Variants in FKTN observed in about 807,000 individuals in gnomAD.
FKTN encodes ribitol-5-phosphate transferase FKTN.
In FKTN, 47 loss-of-function variants were observed where a neutral mutation model predicts 58.6. That is an observed-to-expected ratio of 0.80 (90% CI 0.63 to 1.02). The LOEUF (loss-of-function observed/expected upper bound fraction) is 1.02, where lower values mean the gene tolerates loss of function less well. FKTN is among the 50% of genes least tolerant of loss of function. FKTN has a pLI of 0.00. For missense variants in FKTN, 516 were observed against 537.3 expected (o/e 0.96, Z 0.39); for synonymous variants, 178 against 191.9 (o/e 0.93, Z 0.60).
rs377163590 is a variant in FKTN, at chr9:105,616,879, C to CAA, written c.911-1066_911-1065dup. Among the ~76,000 whole-genome samples, 360 of 119,878 alleles carry CAA rather than the reference C, an allele frequency of 3.0e-3. 2 individuals carry two copies. Among genetic ancestry groups the CAA allele is most frequent in the East Asian group, 0.02 (77 of 3,928 alleles). The allele number at this position is 119,878 out of a possible 152,430, so 78.6% of individuals were successfully genotyped here. A position where few individuals can be genotyped will look rare whatever the true frequency, so the allele number is the denominator to read the frequency against. ...CAAGGAGCTTACTACTAGAATAAGC[C>CAA]AAAAAAAAAAAAAAAGTACATCTCA... On this transcript the variant is annotated intron_variant, in intron 8 of 10. Coordinates refer to ENST00000357998, the MANE Select transcript of FKTN (RefSeq NM_001079802.2).
At chr9:105,585,297 C>T (rs1047216907) in intron 3 of FKTN, among the ~76,000 whole-genome samples, 2 of 151,900 alleles carry the variant, frequency 1.3e-5, no homozygotes, top group East Asian at 1.9e-4. Flanking sequence ...TGGTGGTGCA[C>T]GCCTGTAGTC....
At chr9:105,566,849 G>C (rs984275783) in intron 1 of FKTN, among the ~76,000 whole-genome samples, 3 of 152,158 alleles carry the variant, frequency 2.0e-5, no homozygotes, top group Non-Finnish European at 4.4e-5. Context: ...CAAAAAAAGA[G>C]AATTTTAGAT....
Position 105,589,696 on chromosome 9 carries a change from G to T in FKTN, c.106-6902G>T, listed in dbSNP as rs76206496. Among the ~76,000 whole-genome samples the T allele has an allele frequency of 5.4e-3, 820 of 152,228 alleles. 5 individuals carry two copies. The highest frequency in any genetic ancestry group is 0.019 in the African/African-American group (784 of 41,516). On this transcript the variant is annotated intron_variant, in intron 3 of 10. Coordinates refer to ENST00000357998, the MANE Select transcript of FKTN (RefSeq NM_001079802.2). Reference sequence around the variant, plus strand: ...TTTCATGGATGAAATAATAATTTGAGTTGGTGTTGTAGGATGAGGAGTTCT... The same window carrying T: ...TTTCATGGATGAAATAATAATTTGATTTGGTGTTGTAGGATGAGGAGTTCT...
At chr9:105,575,500 G>T (rs1031522147) in intron 3 of FKTN, among the ~76,000 whole-genome samples, 7 of 152,142 alleles carry the variant, frequency 4.6e-5, no homozygotes, top group Non-Finnish European at 7.3e-5. Context: ...TACTGGGGAA[G>T]TATAATGGTA....
intron 1 of FKTN, among the ~76,000 whole-genome samples, chr9:105,569,933 A>C (rs1337728307): frequency 6.6e-5 from 10 of 152,134 alleles, no homozygotes; most frequent in Non-Finnish European, 1.3e-4. Context: ...CCTAAGTGTA[A>C]GTAAGGAAAT....
At chr9:105,633,176 T>A (rs1833693136) in intron 10 of FKTN, among the ~76,000 whole-genome samples, 1 of 152,228 alleles carries the variant, frequency 6.6e-6, no homozygotes, top group Non-Finnish European at 1.5e-5. Flanking sequence ...TTCTGTTAAG[T>A]ACAAAAATTA....
At chr9:105,566,158 A>G (rs1423624912) in intron 1 of FKTN, among the ~76,000 whole-genome samples, 9 of 152,256 alleles carry the variant, frequency 5.9e-5, no homozygotes, top group Non-Finnish European at 1.0e-4. Context: ...CAATGTGTAG[A>G]GGGAAATTTA....
intron 10 of FKTN, among the ~76,000 whole-genome samples, chr9:105,628,963 A>G (rs1833073047): frequency 1.3e-5 from 2 of 152,232 alleles, no homozygotes; most frequent in Admixed American, 1.3e-4. Context: ...AGGGGTTGGT[A>G]GAAATGTTCT....
At position 105,636,328 on chromosome 9, in the gene FKTN, G is replaced by T. The variant is rs1221421561; in HGVS notation, c.*1064G>T. On this transcript the variant is annotated 3_prime_UTR_variant, in exon 11 of 11. Transcript: ENST00000357998. ...ACCAATTTAAATGGCATGTAAACCT[G>T]CCTGTTTCTTCTCCTCTTCTAATAT... The T allele has an allele frequency of 1.0e-6, 1 of 979,486 alleles. No homozygotes were observed. The highest frequency in any genetic ancestry group is 1.8e-5 in the African/African-American group (1 of 57,076). 60.7% of individuals were successfully genotyped at this position (979,486 alleles called of 1,614,324 possible).
chr9:105,563,752 C>T (rs1838802993), intron 1 of FKTN, among the ~76,000 whole-genome samples: 1 of 152,236 alleles, frequency 6.6e-6, no homozygotes, highest in South Asian at 2.1e-4. Flanking sequence ...CAAAAGGCAG[C>T]AGAAACCTCT....
intron 7 of FKTN, among the ~76,000 whole-genome samples, chr9:105,613,685 T>C (rs1830329360): frequency 6.6e-6 from 1 of 152,186 alleles, no homozygotes; most frequent in Non-Finnish European, 1.5e-5. Context: ...GTGGAGGGAA[T>C]ATAAAATTGA....
At chr9:105,609,744 G>C (rs1037851179) in intron 7 of FKTN, among the ~76,000 whole-genome samples, 1 of 151,946 alleles carries the variant, frequency 6.6e-6, no homozygotes, top group Admixed American at 6.6e-5. Flanking sequence ...GTATAGAAGT[G>C]GTGCTGTGTT....
intron 4 of FKTN, chr9:105,598,663 T>C (rs1477525436): frequency 6.6e-6 from 1 of 152,248 alleles, no homozygotes; most frequent in Non-Finnish European, 1.5e-5. Context: ...GGAGCGTTAA[T>C]GATTGTATTG....
chr9:105,632,409 A>AAAAGT (rs1174296139), intron 10 of FKTN, among the ~76,000 whole-genome samples: 2 of 127,946 alleles, frequency 1.6e-5, no homozygotes, highest in African/African-American at 6.0e-5. Context: ...CCTAAAACTT[A>AAAAGT]AAAGTATAAT....
Position 105,635,321 on chromosome 9 carries a change from TA to T in FKTN, c.*63del, listed in dbSNP as rs908366429. On this transcript the variant is annotated 3_prime_UTR_variant, in exon 11 of 11. Coordinates refer to ENST00000357998, the MANE Select transcript of FKTN (RefSeq NM_001079802.2). Reference sequence around the variant, plus strand: ...TTGGAAAAAAAGGTAGATAACTGTTTAAAAAATACATGTCTATTTGTCAAAC... The same window carrying T: ...TTGGAAAAAAAGGTAGATAACTGTTTAAAAATACATGTCTATTTGTCAAAC... 7 of 1,611,696 alleles carry T rather than the reference TA, an allele frequency of 4.3e-6. No homozygotes were observed. In the African/African-American group the frequency reaches 9.3e-5, roughly 22 times the overall value.
intron 7 of FKTN, among the ~76,000 whole-genome samples, chr9:105,612,281 C>T (rs1306727495): frequency 6.6e-6 from 1 of 151,838 alleles, no homozygotes; most frequent in African/African-American, 2.4e-5. Context: ...GATATTAGAC[C>T]TAATAGTTAA....
chr9:105,622,646 A>G (rs1832161670), intron 10 of FKTN, among the ~76,000 whole-genome samples: 1 of 152,058 alleles, frequency 6.6e-6, no homozygotes, highest in South Asian at 2.1e-4. Context: ...GTTAATGGCA[A>G]GATCAAGATT....
intron 7 of FKTN, among the ~76,000 whole-genome samples, chr9:105,613,893 A>G (rs1382442198): frequency 1.3e-5 from 2 of 152,212 alleles, no homozygotes; most frequent in Non-Finnish European, 2.9e-5. Flanking sequence ...TCTTCCTGGG[A>G]AAACTGGGGA....
intron 7 of FKTN, 91 bp from the exon 8 acceptor site, chr9:105,615,187 G>C: frequency 7.2e-7 from 1 of 1,397,264 alleles, no homozygotes; most frequent in Non-Finnish European, 1.0e-6. Context: ...CCCAGCCTGG[G>C]GTTAATTTTC....
Sources: gnomAD v4.1 joint callset for allele counts (sites outside exome capture counted in the v4.1 genomes callset) on GRCh38, gnomAD v4.1.1 for gene constraint, MANE v1.5 for transcripts, NCBI Gene and HGNC (gene_info 2026-07-23, HGNC 2026-07-21) for gene names.